The following KDM1B variants were observed in gnomAD, a reference collection of about 807,000 sequenced individuals.
KDM1B encodes the protein lysine-specific histone demethylase 2.
In KDM1B, 63 loss-of-function variants were observed where a neutral mutation model predicts 107.4. The ratio of observed to expected loss-of-function variants is 0.59; its 90% CI spans 0.48 to 0.72. The LOEUF (loss-of-function observed/expected upper bound fraction) is 0.72, where lower values mean the gene tolerates loss of function less well. Ranked by LOEUF, KDM1B falls within the 30% of genes least tolerant of loss-of-function variation. KDM1B has a pLI of 0.00. For synonymous variants in KDM1B, 363 were observed against 363.9 expected, an observed-to-expected ratio of 1.00 and a Z score of 0.03; for missense variants, 749 against 1,020.8, an observed-to-expected ratio of 0.73 and a Z score of 3.63.
At position 18,221,999 on chromosome 6, in the gene KDM1B, G is replaced by C; in HGVS notation, c.*7G>C. On this transcript the variant is annotated 3_prime_UTR_variant, in exon 22 of 22. Coordinates refer to ENST00000650836, the MANE Select transcript of KDM1B (RefSeq NM_001364614.2). ...CAAGATTGCAGCATTTTAAGAATTC[G>C]GTGGACCCAGCTTTCTTCTGTACCC... is the stretch of plus-strand genomic sequence containing the variant. The C allele has an allele frequency of 6.2e-7, 1 of 1,613,232 alleles. No individual in the cohort carries two copies. Among genetic ancestry groups the C allele is most frequent in the African/African-American group, 1.3e-5 (1 of 74,994 alleles).
intron 15 of KDM1B, among the ~76,000 whole-genome samples, chr6:18,206,017 G>A (rs1433146693): frequency 3.3e-5 from 5 of 151,998 alleles, no homozygotes; most frequent in African/African-American, 7.2e-5. Context: ...GTGTATGTGT[G>A]TGTGTGTTTT....
At chr6:18,161,559 A>G (rs953098930) in intron 4 of KDM1B, 105 bp downstream of exon 4, 50 of 1,205,498 alleles carry the variant, frequency 4.1e-5, no homozygotes, top group Middle Eastern at 1.9e-4. Context: ...TACAGATACT[A>G]TAAGTCATCT....
In KDM1B at chr6:18,159,069, G is replaced by A. The variant is rs1198133644; in HGVS notation, c.-13-814G>A. 6.6e-6 allele frequency among the ~76,000 whole-genome samples: 1 copy of A among 152,194 alleles called. No individual in the cohort carries two copies. The highest frequency in any genetic ancestry group is 1.5e-5 in the Non-Finnish European group (1 of 68,038). On this transcript the variant is annotated intron_variant, in intron 2 of 21. Transcript: ENST00000650836. The surrounding 1 kb of genome is among the most constrained non-coding windows in gnomAD (Gnocchi z 4.5). ...TGCAACCTCCGCCTCCCTGGTTCAG[G>A]CGATTCTCCTGCCCCAGCCTCCTGA...
chr6:18,170,918 T>G (rs1785614146), intron 6 of KDM1B, among the ~76,000 whole-genome samples: 1 of 152,046 alleles, frequency 6.6e-6, no homozygotes, highest in Admixed American at 6.5e-5. Flanking sequence ...CCTCCCGGGT[T>G]CATGCCATTC....
At chr6:18,156,122 C>G (rs1784585692) in intron 2 of KDM1B, among the ~76,000 whole-genome samples, 196 bp downstream of exon 2, 1 of 152,188 alleles carries the variant, frequency 6.6e-6, no homozygotes, top group African/African-American at 2.4e-5. Flanking sequence ...GCCAGGAGCC[C>G]GCACAGCCTT....
Position 18,159,016 on chromosome 6 carries a change from G to A in KDM1B, c.-13-867G>A, listed in dbSNP as rs1784805488. On this transcript the variant is annotated intron_variant, in intron 2 of 21. Transcript: ENST00000650836. The surrounding 1 kb of genome is among the most constrained non-coding windows in gnomAD (Gnocchi z 4.5). ...GGAGTCTTGCTCTGTTGCCCAGGCT[G>A]GAGTGCAGTAGCACAATCTCGGCTC... Among the ~76,000 whole-genome samples the A allele has an allele frequency of 6.6e-6, 1 of 152,106 alleles. No individual in the cohort carries two copies.
intron 7 of KDM1B, among the ~76,000 whole-genome samples, chr6:18,184,199 T>G (rs1786671910): frequency 6.6e-6 from 1 of 151,744 alleles, no homozygotes; most frequent in South Asian, 2.1e-4. Context: ...TCATATAGTT[T>G]TGTTTTGTTT....
chr6:18,191,329 T>C lies in KDM1B; in HGVS notation c.917T>C (p.Met306Thr), dbSNP rs1054868048. ...CCAGAGTATTCCCGAGACCCCACCA[T>C]GTACCTGGCTTTGAGAAACCTCATC... ...EFPEYSRDPT[M>T]YLALRNLILA... Residue 306 changes from methionine to threonine, a missense_variant, in exon 10 of 22, where the codon ATG (methionine) becomes ACG (threonine). Coordinates refer to ENST00000650836, the MANE Select transcript of KDM1B (RefSeq NM_001364614.2). The surrounding 1 kb of genome is among the most constrained non-coding windows in gnomAD (Gnocchi z 5.1). The C allele has an allele frequency of 8.4e-6, 13 of 1,550,980 alleles. No homozygotes were observed. The highest frequency in any genetic ancestry group is 8.2e-5 in the African/African-American group (6 of 73,030).
chr6:18,208,696 G>A (rs1228097079), intron 17 of KDM1B, among the ~76,000 whole-genome samples: 1 of 123,160 alleles, frequency 8.1e-6, no homozygotes, highest in Non-Finnish European at 1.6e-5. Flanking sequence ...CCAGGCTGGA[G>A]TGCAGTGGCG....
In KDM1B at chr6:18,201,773, T is replaced by C. The variant is rs185226933; in HGVS notation, c.1531+116T>C. On this transcript the variant is annotated intron_variant, in intron 14 of 21. Transcript: ENST00000650836. The surrounding 1 kb of genome is among the most constrained non-coding windows in gnomAD (Gnocchi z 4.3). ...GATGTCGGCAACAGGGTAGCCCTCC[T>C]GAGCATTTCTTTTGGACTGATGGAT... 2,013 of 859,774 alleles carry C rather than the reference T, an allele frequency of 2.3e-3. 8 individuals are homozygous for C. Among genetic ancestry groups the C allele is most frequent in the South Asian group, 9.3e-3 (496 of 53,464 alleles). The allele number at this position is 859,774 out of a possible 1,614,324, so 53.3% of individuals were successfully genotyped here.
chr6:18,157,900 C>T (rs1014771028), intron 2 of KDM1B, among the ~76,000 whole-genome samples: 12 of 148,698 alleles, frequency 8.1e-5, no homozygotes, highest in Admixed American at 6.0e-4. Context: ...GCAAGCTCCG[C>T]CTGCGGGGTT....
In KDM1B at chr6:18,210,342, C is replaced by CTTTTTTTTT. The variant is rs533016543; in HGVS notation, c.1867-2124_1867-2116dup. Among the ~76,000 whole-genome samples, 592 of 69,770 alleles carry CTTTTTTTTT rather than the reference C, an allele frequency of 8.5e-3. 17 individuals are homozygous for CTTTTTTTTT. Among genetic ancestry groups the CTTTTTTTTT allele is most frequent in the Middle Eastern group, 0.02 (2 of 102 alleles). The allele number at this position is 69,770 out of a possible 152,430, so 45.8% of individuals were successfully genotyped here. A position where few individuals can be genotyped will look rare whatever the true frequency, so the allele number is the denominator to read the frequency against. On this transcript the variant is annotated intron_variant, in intron 17 of 21. Coordinates refer to ENST00000650836, the MANE Select transcript of KDM1B (RefSeq NM_001364614.2). The stretch of plus-strand genomic sequence containing the variant: ...TCTTTCTTTTTTTTCTCTTTCTTTT[C>CTTTTTTTTT]TTTTTTTTTTTTTTTTTTTTTTTTT...
Position 18,205,852 on chromosome 6 carries a change from C to G in KDM1B, c.1659+188C>G, listed in dbSNP as rs1561946499. Among the ~76,000 whole-genome samples, 1 of 152,080 alleles carries G rather than the reference C, an allele frequency of 6.6e-6. No individual in the cohort carries two copies. Among genetic ancestry groups the G allele is most frequent in the Admixed American group, 6.5e-5 (1 of 15,268 alleles). ...ACTAAAATACAAAAAATTAGCCAGG[C>G]CTGGTGGCGCATACCTGTAGTCCCA... On this transcript the variant is annotated intron_variant, in intron 15 of 21. Transcript: ENST00000650836. This position sits in a 1 kb window ranked among gnomAD's most constrained non-coding sequence, Gnocchi z 5.7.
rs1322099725 is a variant in KDM1B at position 18,223,794 on chromosome 6, A to C, written c.*1802A>C. Reference sequence around the variant, plus strand: ...TAAATATACAGATTTACAATGTTTTAACTACAGTTCATGAATAGCTGGTTG... The same window carrying C: ...TAAATATACAGATTTACAATGTTTTCACTACAGTTCATGAATAGCTGGTTG... On this transcript the variant is annotated 3_prime_UTR_variant, in exon 22 of 22. Transcript: ENST00000650836. 2.0e-5 allele frequency: 3 copies of C among 152,222 alleles called. No individual in the cohort carries two copies. Among genetic ancestry groups the C allele is most frequent in the African/African-American group, 7.2e-5 (3 of 41,466 alleles). 9.4% of individuals were successfully genotyped at this position (152,222 alleles called of 1,614,324 possible).
At chr6:18,169,196 C>A (rs910860337) in intron 6 of KDM1B, among the ~76,000 whole-genome samples, 2 of 146,428 alleles carry the variant, frequency 1.4e-5, no homozygotes, top group Non-Finnish European at 3.0e-5. Flanking sequence ...TTAAAGTTGT[C>A]TTTTTGTAGT....
rs1411331054 is a variant in KDM1B, at chr6:18,172,979, A to G, written c.534+1500A>G. Among the ~76,000 whole-genome samples, 3 of 151,288 alleles carry G rather than the reference A, an allele frequency of 2.0e-5. No homozygotes were observed. In the Admixed American group the frequency reaches 2.0e-4, roughly 10 times the overall value. ...GTGGCATGTGCTTGTAATCTCAGCT[A>G]CTCGGGAGGCTAAGGTAGGAGAATC... is the stretch of plus-strand genomic sequence containing the variant. On this transcript the variant is annotated intron_variant, in intron 7 of 21. Coordinates refer to ENST00000650836, the MANE Select transcript of KDM1B (RefSeq NM_001364614.2). This position sits in a 1 kb window ranked among gnomAD's most constrained non-coding sequence, Gnocchi z 5.2.
At chr6:18,196,184 AATAGTATTCC>A (rs1230209374) in intron 10 of KDM1B, among the ~76,000 whole-genome samples, 1 of 152,214 alleles carries the variant, frequency 6.6e-6, no homozygotes, top group African/African-American at 2.4e-5. Context: ...TTTAAGGCTG[AATAGTATTCC>A]ATTGTGTGGA....
chr6:18,222,978 T>G lies in KDM1B; in HGVS notation c.*986T>G, dbSNP rs1189504532. 6.6e-6 allele frequency: 1 copy of G among 152,632 alleles called. No homozygotes were observed. Among genetic ancestry groups the G allele is most frequent in the Non-Finnish European group, 1.5e-5 (1 of 68,034 alleles). 9.5% of individuals were successfully genotyped at this position (152,632 alleles called of 1,614,324 possible). A position where few individuals can be genotyped will look rare whatever the true frequency, so the allele number is the denominator to read the frequency against. On this transcript the variant is annotated 3_prime_UTR_variant, in exon 22 of 22. Coordinates refer to ENST00000650836, the MANE Select transcript of KDM1B (RefSeq NM_001364614.2). Reference sequence around the variant, plus strand: ...CTCCTGGTAAATAGTATACATTTTATAAGCTATATTTTAAAGGCCTAAGAA... The same window carrying G: ...CTCCTGGTAAATAGTATACATTTTAGAAGCTATATTTTAAAGGCCTAAGAA...
At chr6:18,183,546 C>T (rs1357824659) in intron 7 of KDM1B, among the ~76,000 whole-genome samples, 5 of 151,986 alleles carry the variant, frequency 3.3e-5, no homozygotes, top group Non-Finnish European at 7.4e-5. Flanking sequence ...AGATGTGAGC[C>T]ACCACGCCGG....
Sources: gnomAD v4.1 joint callset for allele counts (sites outside exome capture counted in the v4.1 genomes callset) on GRCh38, gnomAD v4.1.1 for gene constraint, Gnocchi (gnomAD v3.1) non-coding constraint, MANE v1.5 for transcripts, NCBI Gene and HGNC (gene_info 2026-07-23, HGNC 2026-07-21) for gene names.